Variants in ULK4 observed in about 807,000 individuals in gnomAD.
ULK4 encodes the protein inactive serine/threonine-protein kinase ULK4.
Under a neutral mutation model 160.6 loss-of-function variants are expected in ULK4, and 133 were observed. The observed-to-expected ratio is 0.83, with a 90% CI of 0.72 to 0.96. The LOEUF is 0.96. ULK4 is among the 40% of genes least tolerant of loss of function. The pLI, the probability that ULK4 is intolerant of heterozygous loss-of-function variation, is 0.00. For missense variants in ULK4, 1,580 were observed against 1,499.5 expected (o/e 1.05, Z -0.89); for synonymous variants, 534 against 539.8 (o/e 0.99, Z 0.15).
At chr3:41,917,979 T>A (rs529156491) in intron 7 of ULK4, among the ~76,000 whole-genome samples, 7 of 150,204 alleles carry the variant, frequency 4.7e-5, no homozygotes, top group African/African-American at 1.7e-4. Context: ...AGAGCAAGAC[T>A]CTGTCTCAAA....
chr3:41,444,282 C>T (rs2083240782), intron 34 of ULK4, among the ~76,000 whole-genome samples: 1 of 151,764 alleles, frequency 6.6e-6, no homozygotes, highest in Non-Finnish European at 1.5e-5. Flanking sequence ...ATTTGTATTT[C>T]TGCTGTTGTG....
intron 17 of ULK4, among the ~76,000 whole-genome samples, chr3:41,862,574 G>C (rs1217856171): frequency 2.0e-5 from 3 of 152,204 alleles, no homozygotes; most frequent in Non-Finnish European, 4.4e-5. Context: ...GAAAGGACTT[G>C]GGTGTTGTGA....
intron 17 of ULK4, among the ~76,000 whole-genome samples, chr3:41,841,415 G>A (rs1233695879): frequency 6.7e-6 from 1 of 150,090 alleles, no homozygotes; most frequent in African/African-American, 2.5e-5. Flanking sequence ...GAGCGCCTGT[G>A]CCCGGCCGCC....
intron 19 of ULK4, among the ~76,000 whole-genome samples, chr3:41,807,338 A>G (rs2040677078): frequency 6.6e-6 from 1 of 152,170 alleles, no homozygotes; most frequent in Non-Finnish European, 1.5e-5. Flanking sequence ...AGGGAGGAGG[A>G]GCCCACTAAT....
chr3:41,253,331 T>C (rs889608209), intron 35 of ULK4, among the ~76,000 whole-genome samples: 3 of 152,022 alleles, frequency 2.0e-5, no homozygotes, highest in Non-Finnish European at 2.9e-5. Context: ...GTTTTCAACA[T>C]ATGTAGATGT....
rs140463635 is a variant in ULK4, at chr3:41,452,586, C to T, written c.3492+2911G>A. 1.4e-4 allele frequency among the ~76,000 whole-genome samples: 22 copies of T among 152,246 alleles called. No individual in the cohort carries two copies. The East Asian group carries it at 3.9e-3, about 27-fold the overall frequency. On this transcript the variant is annotated intron_variant, in intron 34 of 36. Transcript: ENST00000301831. ...CATTTCTATTTCCTAATTAACTCTG[C>T]TAAGTAATTAGATATAACTACATAA...
intron 30 of ULK4, 135 bp from the exon 31 acceptor site, chr3:41,615,852 C>A: frequency 1.3e-6 from 1 of 790,184 alleles, no homozygotes; most frequent in Non-Finnish European, 2.0e-6. Context: ...ATTAAACATT[C>A]TTTTTAAGAC....
At chr3:41,650,135 C>T (rs2034681623) in intron 30 of ULK4, among the ~76,000 whole-genome samples, 1 of 152,120 alleles carries the variant, frequency 6.6e-6, no homozygotes, top group Admixed American at 6.5e-5. Context: ...GAGGAGCTAC[C>T]CACTTTGGGT....
chr3:41,892,776 G>A (rs945433505), intron 16 of ULK4, among the ~76,000 whole-genome samples: 1 of 152,142 alleles, frequency 6.6e-6, no homozygotes, highest in African/African-American at 2.4e-5. Context: ...TAAGACACCA[G>A]ACCCCCTCAC....
chr3:41,953,121 G>GTGA (rs889636469), intron 2 of ULK4, among the ~76,000 whole-genome samples: 5 of 151,772 alleles, frequency 3.3e-5, no homozygotes, highest in African/African-American at 1.2e-4. Flanking sequence ...ATAGATGGAG[G>GTGA]TGATAGCTGC....
At chr3:41,581,975 C>T (rs2030386318) in intron 31 of ULK4, among the ~76,000 whole-genome samples, 1 of 152,122 alleles carries the variant, frequency 6.6e-6, no homozygotes, top group Non-Finnish European at 1.5e-5. Context: ...ACTGTGAGCA[C>T]CTGGCTAGAA....
rs549396280 is a variant in ULK4, at chr3:41,841,479, C to T, written c.1657-5508G>A. ...GCCGCCCCGTCTGGGAGGTGAGGGG[C>T]GTCTCTGCCCGGCTGCCCCACCTGG... On this transcript the variant is annotated intron_variant, in intron 17 of 36. Transcript: ENST00000301831. Among the ~76,000 whole-genome samples the T allele has an allele frequency of 7.3e-5, 11 of 149,766 alleles. No homozygotes were observed. The East Asian group carries it at 2.0e-3, about 27-fold the overall frequency.
chr3:41,574,531 CTTTTTTTTTTTT>C (rs568406782), intron 31 of ULK4, among the ~76,000 whole-genome samples: 11 of 92,170 alleles, frequency 1.2e-4, no homozygotes, highest in African/African-American at 2.8e-4. Flanking sequence ...CCAGAGTCCT[CTTTTTTTTTTTT>C]TTTTTTTTTT....
rs113232221 is a variant in ULK4, at chr3:41,387,620, G to A, written c.3678+10459C>T. Among the ~76,000 whole-genome samples the A allele has an allele frequency of 3.0e-3, 449 of 152,174 alleles. 3 individuals are homozygous for A. Among genetic ancestry groups the A allele is most frequent in the Non-Finnish European group, 5.1e-3 (344 of 68,002 alleles). On this transcript the variant is annotated intron_variant, in intron 35 of 36. Transcript: ENST00000301831. ...TTCACACCTATGAGTGAGAATACGC[G>A]GTGTTTGGTTTTTTGTCCTTGTGAT...
At chr3:41,455,794 T>C (rs1487753685) in intron 33 of ULK4, among the ~76,000 whole-genome samples, 199 bp from the exon 34 acceptor site, 2 of 152,180 alleles carry the variant, frequency 1.3e-5, no homozygotes, top group Non-Finnish European at 2.9e-5. Context: ...ATATTGCCAC[T>C]GCCACCAGCT....
intron 17 of ULK4, among the ~76,000 whole-genome samples, chr3:41,870,162 G>C (rs745525391): frequency 1.5e-4 from 23 of 152,186 alleles, no homozygotes; most frequent in Non-Finnish European, 3.1e-4. Context: ...TCAGCAGTTT[G>C]ACCATGATGA....
chr3:41,642,586 C>T (rs9824729), intron 30 of ULK4, among the ~76,000 whole-genome samples: 152,089 of 152,346 alleles, frequency 1, 75,916 homozygotes, highest in Middle Eastern at 1. Context: ...ATCCACTCTA[C>T]CATTGTTGGA....
intron 17 of ULK4, among the ~76,000 whole-genome samples, chr3:41,867,248 T>C (rs1306088241): frequency 6.6e-6 from 1 of 152,204 alleles, no homozygotes; most frequent in African/African-American, 2.4e-5. Context: ...TCTAATACAG[T>C]GGCTCCCAAA....
intron 4 of ULK4, among the ~76,000 whole-genome samples, chr3:41,933,990 A>G (rs928657723): frequency 6.6e-6 from 1 of 152,150 alleles, no homozygotes; most frequent in Non-Finnish European, 1.5e-5. Context: ...GTGAGTTGAG[A>G]TCACACCACT....
Sources: gnomAD v4.1 joint callset for allele counts (sites outside exome capture counted in the v4.1 genomes callset) on GRCh38, gnomAD v4.1.1 for gene constraint, MANE v1.5 for transcripts, NCBI Gene and HGNC (gene_info 2026-07-23, HGNC 2026-07-21) for gene names.